The following WDR17 variants were observed in gnomAD, a reference collection of about 807,000 sequenced individuals.
WDR17 encodes WD repeat-containing protein 17.
In WDR17, 143 loss-of-function variants were observed where a neutral mutation model predicts 161.7. The observed-to-expected ratio is 0.88, with a 90% CI of 0.77 to 1.02. WDR17 has a LOEUF of 1.02. Among genes scored for constraint, WDR17 ranks in the 50% least tolerant of loss-of-function variants. The pLI, the probability that WDR17 is intolerant of heterozygous loss-of-function variation, is 0.00. For missense variants in WDR17, 1,469 were observed against 1,520.9 expected (o/e 0.97, Z 0.57); for synonymous variants, 517 against 515.6 (o/e 1.00, Z -0.04).
At chr4:176,102,384 C>A (rs1052047283) in intron 1 of WDR17, among the ~76,000 whole-genome samples, 2 of 152,210 alleles carry the variant, frequency 1.3e-5, no homozygotes, top group Non-Finnish European at 1.5e-5. Context: ...CAGGAACTCT[C>A]ATTTCTGATG....
chr4:176,147,188 G>T (rs1349810082), intron 12 of WDR17, among the ~76,000 whole-genome samples: 2 of 152,014 alleles, frequency 1.3e-5, no homozygotes, highest in African/African-American at 4.8e-5. Context: ...ATATAAAGCA[G>T]AAAGGGATAT....
chr4:176,079,545 C>T (rs1734480921), intron 1 of WDR17, among the ~76,000 whole-genome samples: 1 of 152,114 alleles, frequency 6.6e-6, no homozygotes. Context: ...CACATACACA[C>T]TCATACATAT....
rs1752287363 is a variant in WDR17, at chr4:176,182,793, T to C, written c.*3214T>C. 6.6e-6 allele frequency: 1 copy of C among 152,162 alleles called. No individual in the cohort carries two copies. The highest frequency in any genetic ancestry group is 1.5e-5 in the Non-Finnish European group (1 of 68,028). The allele number at this position is 152,162 out of a possible 1,614,324, so 9.4% of individuals were successfully genotyped here. A position where few individuals can be genotyped will look rare whatever the true frequency, so the allele number is the denominator to read the frequency against. On this transcript the variant is annotated 3_prime_UTR_variant, in exon 29 of 29. Transcript: ENST00000508596. This position sits in a 1 kb window ranked among gnomAD's most constrained non-coding sequence, Gnocchi z 4.2. ...GTATTTCAGGTCCTTGAAATTTTAA[T>C]AAATATTACAGTTAAATCCTGATAT...
chr4:176,094,772 T>A (rs923066142), intron 1 of WDR17, among the ~76,000 whole-genome samples: 3 of 152,156 alleles, frequency 2.0e-5, no homozygotes, highest in Admixed American at 2.0e-4. Context: ...TAGGAGGAGA[T>A]GAGGTTGATG....
intron 19 of WDR17, 113 bp downstream of exon 19, chr4:176,160,239 G>C: frequency 7.8e-7 from 1 of 1,284,150 alleles, no homozygotes; most frequent in Non-Finnish European, 1.1e-6. Flanking sequence ...TAAAGGGCTT[G>C]GCTTCTGCCC....
chr4:176,119,983 C>A lies in WDR17; in HGVS notation c.424C>A (p.His142Asn), dbSNP rs1002731411. The A allele has an allele frequency of 6.2e-7, 1 of 1,614,026 alleles. No homozygotes were observed. ...ISGPDSGVIV[H>N]KDAHSFLSDI... is the part of the protein sequence containing the mutation. ...AGGACCAGATAGTGGAGTGATTGTA[C>A]ACAAAGATGCTCATAGCTTCTTGTC... The change falls in exon 4 of 29, where the codon CAC becomes AAC. Residue 142 changes from histidine to asparagine, a missense_variant. By Grantham distance (68) the His-to-Asn change is moderately conservative (BLOSUM62 1). Transcript: ENST00000508596.
At chr4:176,126,966 C>T (rs1742549186) in intron 5 of WDR17, among the ~76,000 whole-genome samples, 1 of 152,164 alleles carries the variant, frequency 6.6e-6, no homozygotes, top group African/African-American at 2.4e-5. Flanking sequence ...GCCTCCTCAG[C>T]CATGCAGAAC....
At chr4:176,165,588 T>C (rs1236153362) in intron 22 of WDR17, among the ~76,000 whole-genome samples, 1 of 152,214 alleles carries the variant, frequency 6.6e-6, no homozygotes, top group Non-Finnish European at 1.5e-5. Flanking sequence ...TTATGTATTA[T>C]ATACTGTATT....
chr4:176,154,839 A>G (rs1400757572), intron 17 of WDR17, among the ~76,000 whole-genome samples: 3 of 152,180 alleles, frequency 2.0e-5, no homozygotes. Context: ...ATTTTGATTC[A>G]TGTAGTGATA....
chr4:176,167,659 A>AC (rs1561210509), intron 22 of WDR17, among the ~76,000 whole-genome samples: 13 of 118,894 alleles, frequency 1.1e-4, no homozygotes, highest in Admixed American at 2.9e-4. Flanking sequence ...AAAAAAAAAA[A>AC]AAAAAAAAAA....
chr4:176,107,054 G>A (rs1165768370), intron 1 of WDR17, among the ~76,000 whole-genome samples: 2 of 152,074 alleles, frequency 1.3e-5, no homozygotes, highest in South Asian at 2.1e-4. Context: ...GATTAATACC[G>A]CAAATATAGG....
In WDR17 at chr4:176,167,644, CAAAAAAAAAAAAAAAA is replaced by C. The variant is rs34187946; in HGVS notation, c.2991-1015_2991-1000del. 8.4e-5 allele frequency among the ~76,000 whole-genome samples: 2 copies of C among 23,834 alleles called. 1 individual carries two copies. Among genetic ancestry groups the C allele is most frequent in the African/African-American group, 3.2e-4 (2 of 6,170 alleles). 15.6% of individuals were successfully genotyped at this position (23,834 alleles called of 152,430 possible). On this transcript the variant is annotated intron_variant, in intron 22 of 28. Coordinates refer to ENST00000508596, the MANE Select transcript of WDR17 (RefSeq NM_181265.4). ...CCTGGGCGACAGCGAGACTCCGTCT[CAAAAAAAAAAAAAAAA>C]AAAAAAAAAAAACAATATCTTGAAT...
intron 1 of WDR17, among the ~76,000 whole-genome samples, chr4:176,093,830 A>G (rs984289374): frequency 3.3e-5 from 5 of 152,200 alleles, no homozygotes; most frequent in African/African-American, 7.2e-5. Flanking sequence ...ATATAATCAA[A>G]ATACCTGGAG....
Position 176,150,578 on chromosome 4 carries a change from G to T in WDR17, c.2289G>T (p.Leu763=). The part of the protein sequence containing the change: ...YCKGIMHLKH[L]IKFRTSEAQE... ...AAGGAATAATGCACTTGAAACATCTGATTAAATTTAGAACAGTGAGTAAAA... is the reference window on the plus strand; with the variant it reads ...AAGGAATAATGCACTTGAAACATCTTATTAAATTTAGAACAGTGAGTAAAA... Residue 763 remains leucine, a synonymous_variant, in exon 16 of 29, where the codon CTG becomes CTT. Transcript: ENST00000508596. 1 of 1,602,250 alleles carries T rather than the reference G, an allele frequency of 6.2e-7. No individual in the cohort carries two copies. Among genetic ancestry groups the T allele is most frequent in the South Asian group, 1.1e-5 (1 of 87,358 alleles).
intron 21 of WDR17, among the ~76,000 whole-genome samples, chr4:176,162,546 C>G (rs977629909): frequency 6.6e-6 from 1 of 152,158 alleles, no homozygotes; most frequent in African/African-American, 2.4e-5. Flanking sequence ...ATTTAACCCT[C>G]AGAATCTCAA....
intron 11 of WDR17, among the ~76,000 whole-genome samples, chr4:176,143,634 G>A (rs913275764): frequency 1.3e-4 from 20 of 152,232 alleles, no homozygotes; most frequent in African/African-American, 4.3e-4. Flanking sequence ...AGCCATGATT[G>A]TGCCACTGCA....
chr4:176,135,452 C>A, intron 8 of WDR17, 176 bp downstream of exon 8: 1 of 673,340 alleles, frequency 1.5e-6, no homozygotes, highest in Non-Finnish European at 2.5e-6. Flanking sequence ...AGTCTATCTG[C>A]AGAGGCACTT....
At chr4:176,132,485 A>G (rs1184511306) in intron 7 of WDR17, among the ~76,000 whole-genome samples, 1 of 152,014 alleles carries the variant, frequency 6.6e-6, no homozygotes, top group Non-Finnish European at 1.5e-5. Flanking sequence ...TTTAAATGCT[A>G]ATTATTTTCC....
intron 15 of WDR17, 114 bp downstream of exon 15, chr4:176,150,287 A>T (rs1746908495): frequency 1.3e-6 from 2 of 1,495,206 alleles, no homozygotes; most frequent in Admixed American, 4.1e-5. Flanking sequence ...GGTAACTCTT[A>T]CCATAATCTG....
Sources: gnomAD v4.1 joint callset for allele counts (sites outside exome capture counted in the v4.1 genomes callset) on GRCh38, gnomAD v4.1.1 for gene constraint, Gnocchi (gnomAD v3.1) non-coding constraint, MANE v1.5 for transcripts, NCBI Gene and HGNC (gene_info 2026-07-23, HGNC 2026-07-21) for gene names.